Variants in TARBP2 observed in about 807,000 individuals in gnomAD.
TARBP2 encodes the protein RISC-loading complex subunit TARBP2.
Under a neutral mutation model 40.4 loss-of-function variants are expected in TARBP2, and 23 were observed. The observed-to-expected ratio is 0.57, with a 90% CI of 0.41 to 0.81. The LOEUF (loss-of-function observed/expected upper bound fraction) is 0.81, where lower values mean the gene tolerates loss of function less well. Among genes scored for constraint, TARBP2 ranks in the 30% least tolerant of loss-of-function variants. The pLI, the probability that TARBP2 is intolerant of heterozygous loss-of-function variation, is 0.00. For synonymous variants in TARBP2, 183 were observed against 190.5 expected, an observed-to-expected ratio of 0.96 and a Z score of 0.32; for missense variants, 358 against 473.7, an observed-to-expected ratio of 0.76 and a Z score of 2.27.
chr12:53,503,867 C>T (rs1943836087), intron 4 of TARBP2, 59 bp downstream of exon 4: 1 of 1,380,924 alleles, frequency 7.2e-7, no homozygotes, highest in South Asian at 1.2e-5. Flanking sequence ...GTTTTTGGTC[C>T]CTCAGTCCTT....
Position 53,504,439 on chromosome 12 carries a change from G to C in TARBP2, c.465G>C (p.Gln155His), listed in dbSNP as rs766141345. Residue 155 changes from glutamine to histidine, a missense_variant, in exon 5 of 9, where the codon CAG becomes CAC. Physicochemically the swap from Gln to His is conservative, Grantham distance 24 (BLOSUM62 0). Coordinates refer to ENST00000266987, the MANE Select transcript of TARBP2 (RefSeq NM_134323.2). ...TGCAGCCCCCTGTCTCCCCTCAGCAGTCTGAGTGCAACCCCGTTGGTGCTC... is the reference window on the plus strand; with the variant it reads ...TGCAGCCCCCTGTCTCCCCTCAGCACTCTGAGTGCAACCCCGTTGGTGCTC... ...MELQPPVSPQQSECNPVGALQ... is the reference protein window; with the variant it reads ...MELQPPVSPQHSECNPVGALQ... 3 of 1,613,012 alleles carry C rather than the reference G, an allele frequency of 1.9e-6. No homozygotes were observed. In the African/African-American group the frequency reaches 4.0e-5, roughly 22 times the overall value.
chr12:53,501,884 T>A, intron 1 of TARBP2, 131 bp from the exon 2 acceptor site: 3 of 1,419,060 alleles, frequency 2.1e-6, no homozygotes, highest in Non-Finnish European at 2.8e-6. Flanking sequence ...ACCCAGCCAA[T>A]GGATGCTAGA....
chr12:53,503,121 G>A lies in TARBP2; in HGVS notation c.318G>A (p.Glu106=), dbSNP rs1457000872. The A allele has an allele frequency of 4.5e-6, 7 of 1,549,338 alleles. No individual in the cohort carries two copies. Among genetic ancestry groups the A allele is most frequent in the African/African-American group, 1.4e-5 (1 of 72,954 alleles). Residue 106 remains glutamate (E), a synonymous_variant, in exon 3 of 9, where the codon GAG becomes GAA. Coordinates refer to ENST00000266987, the MANE Select transcript of TARBP2 (RefSeq NM_134323.2). The part of the protein sequence containing the change: ...KGGSMLEPAL[E]DSSSFSPLDS... The stretch of plus-strand genomic sequence containing the variant: ...GGAGCATGCTGGAGCCGGCCCTGGA[G>A]GACAGCAGGTGAGGGAGGAACCGAG...
At chr12:53,502,873 C>T (rs1218813008) in intron 2 of TARBP2, 154 bp from the exon 3 acceptor site, 1 of 673,996 alleles carries the variant, frequency 1.5e-6, no homozygotes, top group Admixed American at 3.7e-5. Flanking sequence ...TTCCTTCCAG[C>T]AATTAGTGAA....
In TARBP2 at chr12:53,505,616, G is replaced by A; in HGVS notation, c.742-33G>A. On this transcript the variant is annotated intron_variant, in intron 7 of 8. Transcript: ENST00000266987. This position sits in a 1 kb window ranked among gnomAD's most constrained non-coding sequence, Gnocchi z 4.5. ...CAATGCCTGGGTCCCACAGTCTCTC[G>A]CTTCATCTTTCTCACTGTTCCCATC... 1 of 1,596,046 alleles carries A rather than the reference G, an allele frequency of 6.3e-7. No individual in the cohort carries two copies. Among genetic ancestry groups the A allele is most frequent in the Non-Finnish European group, 8.6e-7 (1 of 1,164,020 alleles).
chr12:53,505,341 T>A lies in TARBP2; in HGVS notation c.741+79T>A. On this transcript the variant is annotated intron_variant, in intron 7 of 8. Transcript: ENST00000266987. The surrounding 1 kb of genome is among the most constrained non-coding windows in gnomAD (Gnocchi z 4.5). ...GGCTCCAGGGACTTGGGTCTGTGAC[T>A]CAGCAGTGAGCCTCTCTGGGCCCTA... The A allele has an allele frequency of 6.6e-7, 1 of 1,513,088 alleles. No individual in the cohort carries two copies. The highest frequency in any genetic ancestry group is 8.9e-7 in the Non-Finnish European group (1 of 1,128,400). 93.7% of individuals were successfully genotyped at this position (1,513,088 alleles called of 1,614,324 possible).
chr12:53,503,582 G>T, intron 3 of TARBP2, 131 bp from the exon 4 acceptor site: 3 of 681,436 alleles, frequency 4.4e-6, no homozygotes, highest in Non-Finnish European at 5.2e-6. Context: ...TGTTGGTTGA[G>T]CCTCCCTGAT....
intron 3 of TARBP2, 117 bp downstream of exon 3, chr12:53,503,246 T>G: frequency 7.0e-7 from 1 of 1,422,624 alleles, no homozygotes; most frequent in East Asian, 2.7e-5. Context: ...GGCCTCTTCC[T>G]GAGAGTCCCT....
chr12:53,503,569 A>G (rs1480777204), intron 3 of TARBP2, 144 bp from the exon 4 acceptor site: 8 of 643,238 alleles, frequency 1.2e-5, no homozygotes, highest in Non-Finnish European at 2.2e-5. Flanking sequence ...CCGAGGAGGA[A>G]GCTGTTGGTT....
intron 1 of TARBP2, 180 bp downstream of exon 1, chr12:53,501,641 T>G: frequency 4.1e-6 from 6 of 1,451,014 alleles, no homozygotes; most frequent in East Asian, 2.5e-5. Flanking sequence ...CTAAATAGTT[T>G]GGGGTTGGCC....
At chr12:53,504,854 G>A (rs370391566) in intron 6 of TARBP2, 39 bp downstream of exon 6, 13 of 1,606,506 alleles carry the variant, frequency 8.1e-6, no homozygotes, top group Middle Eastern at 1.7e-4. Context: ...CTCCTCTCCC[G>A]CAGCACTCTG....
rs1943974008 is a variant in TARBP2, at chr12:53,506,080, G to A, written c.1033G>A (p.Glu345Lys). The change falls in exon 9 of 9, where the codon GAG becomes AAG. Residue 345 changes from glutamate to lysine, a missense_variant. Glu to Lys is a moderately conservative substitution (Grantham distance 56). Transcript: ENST00000266987. ...GTGTCATGGCTCTGCAACCACCAGGGAGGCAGCCCGTGGTGAGGCTGCCCG... is the reference window on the plus strand; with the variant it reads ...GTGTCATGGCTCTGCAACCACCAGGAAGGCAGCCCGTGGTGAGGCTGCCCG... ...TVCHGSATTREAARGEAARRA... is the reference protein window; with the variant it reads ...TVCHGSATTRKAARGEAARRA... 1 of 1,613,878 alleles carries A rather than the reference G, an allele frequency of 6.2e-7. No homozygotes were observed. Among genetic ancestry groups the A allele is most frequent in the Non-Finnish European group, 8.5e-7 (1 of 1,180,020 alleles).
chr12:53,501,228 G>A (rs576645714), upstream of TARBP2: 557 of 653,672 alleles, frequency 8.5e-4, 2 homozygotes, highest in Middle Eastern at 4.3e-3. Flanking sequence ...GGGGCGGATA[G>A]CTCCCCTCCA....
At position 53,505,219 on chromosome 12, in the gene TARBP2, G is replaced by C. The variant is rs769109279; in HGVS notation, c.698G>C (p.Arg233Pro). ...LRVHTVPLDARDGNEVEPDDD... is the reference protein window; with the variant it reads ...LRVHTVPLDAPDGNEVEPDDD... Reference sequence around the variant, plus strand: ...GTGCACACGGTGCCTCTGGATGCCCGGGATGGCAATGAGGTGGAGCCTGAT... The same window carrying C: ...GTGCACACGGTGCCTCTGGATGCCCCGGATGGCAATGAGGTGGAGCCTGAT... Residue 233 changes from arginine (R) to proline (P), a missense_variant, in exon 7 of 9, where the codon CGG becomes CCG. Around this residue, in one of 3 missense-constraint regions of TARBP2, gnomAD observed 317 missense variants for 422.9 expected, o/e 0.75. Coordinates refer to ENST00000266987, the MANE Select transcript of TARBP2 (RefSeq NM_134323.2). This position sits in a 1 kb window ranked among gnomAD's most constrained non-coding sequence, Gnocchi z 4.5. The C allele has an allele frequency of 6.2e-7, 1 of 1,610,056 alleles. No homozygotes were observed. The highest frequency in any genetic ancestry group is 1.1e-5 in the South Asian group (1 of 90,990).
intron 3 of TARBP2, 165 bp downstream of exon 3, chr12:53,503,294 A>G (rs1943803289): frequency 2.2e-6 from 3 of 1,387,260 alleles, no homozygotes; most frequent in East Asian, 2.7e-5. Flanking sequence ...TTCTGCTGCT[A>G]TGAAGAATTC....
chr12:53,504,253 T>G, intron 4 of TARBP2, 144 bp from the exon 5 acceptor site: 1 of 745,340 alleles, frequency 1.3e-6, no homozygotes, highest in Non-Finnish European at 2.1e-6. Context: ...AGGAGCAGGC[T>G]AGATGTGTGG....
At position 53,506,379 on chromosome 12, in the gene TARBP2, A is replaced by C. The variant is rs1336398738; in HGVS notation, c.*231A>C. On this transcript the variant is annotated 3_prime_UTR_variant, in exon 9 of 9. Coordinates refer to ENST00000266987, the MANE Select transcript of TARBP2 (RefSeq NM_134323.2). ...GGTGATGATGAATGGGAATGAAATCAGGGGGCTGTCTACTAGAGCCTGGAA... is the reference window on the plus strand; with the variant it reads ...GGTGATGATGAATGGGAATGAAATCCGGGGGCTGTCTACTAGAGCCTGGAA... 1.7e-6 allele frequency: 1 copy of C among 576,416 alleles called. No homozygotes were observed. Among genetic ancestry groups the C allele is most frequent in the Non-Finnish European group, 3.0e-6 (1 of 328,740 alleles). 35.7% of individuals were successfully genotyped at this position (576,416 alleles called of 1,614,324 possible).
At position 53,501,435 on chromosome 12, in the gene TARBP2, C is replaced by T; in HGVS notation, c.27C>T (p.Gly9=). The part of the protein sequence containing the change: MSEEEQGS[G]TTTGCGLPSI... ...TGAGTGAAGAGGAGCAAGGCTCCGG[C>T]ACTACCACGGGCTGCGGGCTGCCTA... Residue 9 remains glycine (G), a synonymous_variant, in exon 1 of 9, where the codon GGC becomes GGT. Coordinates refer to ENST00000266987, the MANE Select transcript of TARBP2 (RefSeq NM_134323.2). 6.4e-7 allele frequency: 1 copy of T among 1,569,250 alleles called. No individual in the cohort carries two copies. Among genetic ancestry groups the T allele is most frequent in the African/African-American group, 1.4e-5 (1 of 74,018 alleles).
rs780934620 is a variant in TARBP2, at chr12:53,503,143, C to T, written c.326+14C>T. 8.4e-6 allele frequency: 13 copies of T among 1,541,448 alleles called. No homozygotes were observed. Among genetic ancestry groups the T allele is most frequent in the Admixed American group, 6.0e-5 (3 of 50,068 alleles). On this transcript the variant is annotated intron_variant, in intron 3 of 8. Transcript: ENST00000266987. Reference sequence around the variant, plus strand: ...GGAGGACAGCAGGTGAGGGAGGAACCGAGGCATCCCAGAAGCCCTTCAAGG... The same window carrying T: ...GGAGGACAGCAGGTGAGGGAGGAACTGAGGCATCCCAGAAGCCCTTCAAGG...
Sources: gnomAD v4.1 joint callset for allele counts on GRCh38, gnomAD v4.1.1 for gene constraint, gnomAD v4.1.1 regional missense constraint, Gnocchi (gnomAD v3.1) non-coding constraint, MANE v1.5 for transcripts, NCBI Gene and HGNC (gene_info 2026-07-23, HGNC 2026-07-21) for gene names.